NFIC: variants seen among roughly 807,000 people sequenced by gnomAD.
The protein encoded by NFIC is nuclear factor I C.
In NFIC, 12 loss-of-function variants were observed where a neutral mutation model predicts 54.4. The ratio of observed to expected loss-of-function variants is 0.22; its 90% CI spans 0.14 to 0.36. NFIC has a LOEUF of 0.36. Among genes scored for constraint, NFIC ranks in the 10% least tolerant of loss-of-function variants. The probability of loss-of-function intolerance (pLI) is 1.00; values close to 1 mark genes in which losing one functional copy is unlikely to be tolerated. For synonymous variants in NFIC, 322 were observed against 319.2 expected (o/e 1.01, Z -0.09); for missense variants, 575 against 718.2 (o/e 0.80, Z 2.28).
At chr19:3,391,928 A>G (rs970519453) in intron 2 of NFIC, among the ~76,000 whole-genome samples, 9 of 152,136 alleles carry the variant, frequency 5.9e-5, no homozygotes, top group Non-Finnish European at 1.3e-4. Context: ...CATGATCGTC[A>G]TCACTGTGGT....
rs2080980498 is a variant in NFIC, at chr19:3,370,434, GC to G, written c.30+3771del. Among the ~76,000 whole-genome samples, 5 of 151,874 alleles carry G rather than the reference GC, an allele frequency of 3.3e-5. No homozygotes were observed. The South Asian group carries it at 1.0e-3, about 32-fold the overall frequency. ...GTGCCTCTGCGCGCCAGGGCCAAGC[GC>G]CCTGTAAATCACCAAAGCTGGGATT... On this transcript the variant is annotated intron_variant, in intron 1 of 10. Transcript: ENST00000443272. The surrounding 1 kb of genome is among the most constrained non-coding windows in gnomAD (Gnocchi z 5.2).
intron 1 of NFIC, among the ~76,000 whole-genome samples, chr19:3,377,655 A>G (rs1232947041): frequency 1.3e-5 from 2 of 152,054 alleles, no homozygotes; most frequent in African/African-American, 2.4e-5. Context: ...TCTATCCCCC[A>G]GGCTGGAGTG....
At position 3,452,372 on chromosome 19, in the gene NFIC, AACGC is replaced by A; in HGVS notation, c.1085-107_1085-104del. On this transcript the variant is annotated intron_variant, in intron 7 of 10. Coordinates refer to ENST00000443272, the MANE Select transcript of NFIC (RefSeq NM_001245002.2). This position sits in a 1 kb window ranked among gnomAD's most constrained non-coding sequence, Gnocchi z 5.3. The stretch of plus-strand genomic sequence containing the variant: ...GTTTTTTTGGTGGTTATTGTTACTA[AACGC>A]ACTGAGATGCCGGCAGGAATGACAC... The A allele has an allele frequency of 7.1e-7, 1 of 1,402,730 alleles. No homozygotes were observed. The highest frequency in any genetic ancestry group is 9.8e-7 in the Non-Finnish European group (1 of 1,023,688). 86.9% of individuals were successfully genotyped at this position (1,402,730 alleles called of 1,614,324 possible). A position where few individuals can be genotyped will look rare whatever the true frequency, so the allele number is the denominator to read the frequency against.
At chr19:3,363,256 TATATATATA>T (rs1208974874), upstream of NFIC, among the ~76,000 whole-genome samples, 16 of 75,616 alleles carry the variant, frequency 2.1e-4, 1 homozygote, top group South Asian at 1.0e-3. Context: ...TATATATATA[TATATATATA>T]TATATTTTTT....
intron 6 of NFIC, among the ~76,000 whole-genome samples, chr19:3,437,696 GT>G (rs971481195): frequency 4.5e-5 from 6 of 132,416 alleles, no homozygotes; most frequent in Non-Finnish European, 8.1e-5. Context: ...TTTGTTTTTT[GT>G]TTTTTTTTTG....
chr19:3,366,086 T>TG (rs1184954488), upstream of NFIC, among the ~76,000 whole-genome samples: 24 of 98,642 alleles, frequency 2.4e-4, no homozygotes, highest in Non-Finnish European at 8.7e-5. Context: ...TCGGGGGTGA[T>TG]GGGGGGGTGG....
chr19:3,443,872 G>A (rs887578966), intron 6 of NFIC, among the ~76,000 whole-genome samples: 24 of 152,176 alleles, frequency 1.6e-4, no homozygotes, highest in African/African-American at 4.8e-5. Context: ...GGAGACCTTG[G>A]TGCACTGTCA....
At chr19:3,451,570 G>A (rs1017901452) in intron 7 of NFIC, among the ~76,000 whole-genome samples, 2 of 149,756 alleles carry the variant, frequency 1.3e-5, no homozygotes, top group Non-Finnish European at 3.0e-5. Context: ...GGTCAAGGCT[G>A]TAGTGAGCCA....
At position 3,453,958 on chromosome 19, in the gene NFIC, G is replaced by A. The variant is rs1189564834; in HGVS notation, c.1423+42G>A. The A allele has an allele frequency of 4.7e-6, 7 of 1,476,032 alleles. No homozygotes were observed. Among genetic ancestry groups the A allele is most frequent in the East Asian group, 5.3e-5 (2 of 37,942 alleles). 91.4% of individuals were successfully genotyped at this position (1,476,032 alleles called of 1,614,324 possible). On this transcript the variant is annotated intron_variant, in intron 9 of 10. Transcript: ENST00000443272. This position sits in a 1 kb window ranked among gnomAD's most constrained non-coding sequence, Gnocchi z 6.7. ...CGGTGCCCTGGTGGGGCGGATGTCC[G>A]CAGGGGGGCCTGTCCCCTCCCCAGC...
chr19:3,467,938 C>T lies in NFIC; in HGVS notation c.*5169C>T, dbSNP rs2082739332. The T allele has an allele frequency of 6.6e-6, 1 of 151,570 alleles. No individual in the cohort carries two copies. The allele number at this position is 151,570 out of a possible 1,614,324, so 9.4% of individuals were successfully genotyped here. On this transcript the variant is annotated 3_prime_UTR_variant, in exon 11 of 11. Coordinates refer to ENST00000443272, the MANE Select transcript of NFIC (RefSeq NM_001245002.2). ...CAATCCAGCTTCCTCCGCATCCTCC[C>T]ATCTTGCCCCATTTCTGCCACGTCA...
In NFIC at chr19:3,380,246, T is replaced by C. The variant is rs562866751; in HGVS notation, c.31-1466T>C. Among the ~76,000 whole-genome samples the C allele has an allele frequency of 3.9e-3, 563 of 144,442 alleles. 2 individuals are homozygous for C. The highest frequency in any genetic ancestry group is 0.014 in the African/African-American group (533 of 38,576). The allele number at this position is 144,442 out of a possible 152,430, so 94.8% of individuals were successfully genotyped here. ...GTCTCAATCTCCTGACCTCGTGATCTGCCCGCCTTGGCCTCCCAAAGTGCT... is the reference window on the plus strand; with the variant it reads ...GTCTCAATCTCCTGACCTCGTGATCCGCCCGCCTTGGCCTCCCAAAGTGCT... On this transcript the variant is annotated intron_variant, in intron 1 of 10. Coordinates refer to ENST00000443272, the MANE Select transcript of NFIC (RefSeq NM_001245002.2).
chr19:3,412,145 C>G (rs183823090), intron 2 of NFIC, among the ~76,000 whole-genome samples: 1 of 151,970 alleles, frequency 6.6e-6, no homozygotes, highest in Non-Finnish European at 1.5e-5. Context: ...TGCAGTGGTG[C>G]GATCATAGCT....
At chr19:3,434,983 C>A in intron 5 of NFIC, 100 bp from the exon 6 acceptor site, 1 of 1,405,364 alleles carries the variant, frequency 7.1e-7, no homozygotes, top group Non-Finnish European at 9.5e-7. Flanking sequence ...ACCTCCCTCG[C>A]CCCCGCTCAC....
At chr19:3,417,969 A>G (rs1010942545) in intron 2 of NFIC, among the ~76,000 whole-genome samples, 2 of 39,266 alleles carry the variant, frequency 5.1e-5, no homozygotes, top group African/African-American at 2.1e-4. Context: ...CACACAGTGC[A>G]CTAGAATATT....
upstream of NFIC, among the ~76,000 whole-genome samples, chr19:3,364,176 A>G (rs2080853474): frequency 1.3e-5 from 2 of 150,000 alleles, no homozygotes; most frequent in Admixed American, 6.6e-5. Flanking sequence ...AAAAAAAATG[A>G]GCCAGATTGT....
intron 2 of NFIC, among the ~76,000 whole-genome samples, chr19:3,413,156 C>G (rs2081793009): frequency 2.0e-5 from 3 of 152,104 alleles, no homozygotes. Context: ...ACCGTGTTAG[C>G]CAGGCTGGTC....
chr19:3,436,065 T>C (rs561070321), intron 6 of NFIC, among the ~76,000 whole-genome samples: 6 of 151,884 alleles, frequency 4.0e-5, no homozygotes, highest in African/African-American at 1.5e-4. Flanking sequence ...CGACCTCAGG[T>C]GATTCGCCCG....
chr19:3,463,454 G>GA lies in NFIC; in HGVS notation c.*687dup. On this transcript the variant is annotated 3_prime_UTR_variant, in exon 11 of 11. Coordinates refer to ENST00000443272, the MANE Select transcript of NFIC (RefSeq NM_001245002.2). ...CGCTTGCGAGCCCTGGCCAGGGGAG[G>GA]AAGTGAGGCCCAGGCACCTGCTGCC... 3.0e-6 allele frequency: 3 copies of GA among 985,430 alleles called. No homozygotes were observed. The highest frequency in any genetic ancestry group is 3.6e-6 in the Non-Finnish European group (3 of 829,996). The allele number at this position is 985,430 out of a possible 1,614,324, so 61.0% of individuals were successfully genotyped here. A position where few individuals can be genotyped will look rare whatever the true frequency, so the allele number is the denominator to read the frequency against.
rs951986862 is a variant in NFIC at position 3,452,507 on chromosome 19, C to T, written c.1110C>T (p.Ser370=). The change falls in exon 8 of 11, where the codon TCC becomes TCT. Residue 370 remains serine, a synonymous_variant. Transcript: ENST00000443272. The surrounding 1 kb of genome is among the most constrained non-coding windows in gnomAD (Gnocchi z 5.3). ...HSGIARSPHP[S]SALHFPTTSI... Reference sequence around the variant, plus strand: ...GGATCGCCCGGAGCCCACACCCGTCCTCCGCTCTGCATTTCCCTACGACGT... The same window carrying T: ...GGATCGCCCGGAGCCCACACCCGTCTTCCGCTCTGCATTTCCCTACGACGT... 23 of 1,612,858 alleles carry T rather than the reference C, an allele frequency of 1.4e-5. No homozygotes were observed. The highest frequency in any genetic ancestry group is 1.9e-5 in the Non-Finnish European group (23 of 1,180,014).
Sources: gnomAD v4.1 joint callset for allele counts (sites outside exome capture counted in the v4.1 genomes callset) on GRCh38, gnomAD v4.1.1 for gene constraint, Gnocchi (gnomAD v3.1) non-coding constraint, MANE v1.5 for transcripts, NCBI Gene and HGNC (gene_info 2026-07-23, HGNC 2026-07-21) for gene names.